SYT16: variants seen among roughly 807,000 people sequenced by gnomAD.
SYT16 encodes the protein synaptotagmin-16.
A neutral mutation model predicts 61.4 loss-of-function variants in SYT16; 42 were observed. That is an observed-to-expected ratio of 0.68 (90% CI 0.53 to 0.89). SYT16 has a LOEUF of 0.89. Among genes scored for constraint, SYT16 ranks in the 40% least tolerant of loss-of-function variants. The pLI, the probability that SYT16 is intolerant of heterozygous loss-of-function variation, is 0.00. For synonymous variants in SYT16, 314 were observed against 302.3 expected (o/e 1.04, Z -0.40); for missense variants, 804 against 807.3 (o/e 1.00, Z 0.05).
In SYT16 at chr14:61,960,106, T is replaced by C. The variant is rs145371082; in HGVS notation, c.-324-10026T>C. 2.4e-3 allele frequency among the ~76,000 whole-genome samples: 361 copies of C among 152,314 alleles called. 3 individuals are homozygous for C. Among genetic ancestry groups the C allele is most frequent in the African/African-American group, 8.4e-3 (348 of 41,570 alleles). ...TTCAGCTTCCTTAACTCAGTTTTTA[T>C]TTGGGAAAGTCTTTATATCTTTTTC... On this transcript the variant is annotated intron_variant, in intron 1 of 7. Transcript: ENST00000683842.
chr14:61,836,091 C>G (rs1371920912), intron 1 of SYT16, among the ~76,000 whole-genome samples: 2 of 152,164 alleles, frequency 1.3e-5, no homozygotes, highest in Non-Finnish European at 2.9e-5. Flanking sequence ...GATTAGCCCC[C>G]CAGGTGATTC....
chr14:62,062,997 C>G (rs977893928), intron 3 of SYT16, among the ~76,000 whole-genome samples: 1 of 152,188 alleles, frequency 6.6e-6, no homozygotes, highest in African/African-American at 2.4e-5. Flanking sequence ...GAAATCCTCT[C>G]TTTGCATCGC....
chr14:61,973,328 A>G (rs922745532), intron 2 of SYT16, among the ~76,000 whole-genome samples: 2 of 152,244 alleles, frequency 1.3e-5, no homozygotes, highest in Non-Finnish European at 2.9e-5. Flanking sequence ...CATAGGTAAT[A>G]GTAATAATAA....
chr14:61,971,153 C>A (rs1268335995), intron 2 of SYT16, among the ~76,000 whole-genome samples: 2 of 152,072 alleles, frequency 1.3e-5, no homozygotes, highest in South Asian at 4.2e-4. Context: ...CTTTTGTAGC[C>A]ATGGATAGTT....
chr14:61,917,797 G>A lies in SYT16; in HGVS notation c.-324-52335G>A, dbSNP rs112226659. ...CTTATCTGAAATGTTTGGGAGCAGA[G>A]TGTTTTGGCTTTTGGCTTCTGGAAT... is the stretch of plus-strand genomic sequence containing the variant. On this transcript the variant is annotated intron_variant, in intron 1 of 7. Transcript: ENST00000683842. Among the ~76,000 whole-genome samples, 458 of 152,252 alleles carry A rather than the reference G, an allele frequency of 3.0e-3. 3 individuals carry two copies. The highest frequency in any genetic ancestry group is 0.01 in the African/African-American group (435 of 41,554).
At chr14:61,941,762 G>A (rs2050219862) in intron 1 of SYT16, among the ~76,000 whole-genome samples, 1 of 152,176 alleles carries the variant, frequency 6.6e-6, no homozygotes, top group African/African-American at 2.4e-5. Context: ...GACCATAGGT[G>A]CAAAGGTGCC....
In SYT16 at chr14:62,069,765, G is replaced by T. The variant is rs190756776; in HGVS notation, c.686G>T (p.Arg229Leu). 1 of 1,614,020 alleles carries T rather than the reference G, an allele frequency of 6.2e-7. No individual in the cohort carries two copies. Among genetic ancestry groups the T allele is most frequent in the Non-Finnish European group, 8.5e-7 (1 of 1,179,886 alleles). Residue 229 changes from arginine (R) to leucine (L), a missense_variant, in exon 4 of 8, where the codon CGT (arginine) becomes CTT (leucine). Physicochemically the swap from Arg to Leu is moderately radical, Grantham distance 102. Coordinates refer to ENST00000683842, the MANE Select transcript of SYT16 (RefSeq NM_001367656.1). ...TGLEQKPKFS[R>L]SLLTHGEDGT... is the part of the protein sequence containing the mutation. ...TTGGAGCAGAAACCAAAATTCAGCC[G>T]TTCGTTGTTGACACACGGAGAAGAT...
intron 1 of SYT16, among the ~76,000 whole-genome samples, chr14:61,854,263 T>C (rs1231658125): frequency 6.6e-6 from 1 of 152,226 alleles, no homozygotes; most frequent in Non-Finnish European, 1.5e-5. Flanking sequence ...TATTTATATA[T>C]CTAGTGATTA....
intron 3 of SYT16, among the ~76,000 whole-genome samples, chr14:62,019,012 A>G (rs751087562): frequency 6.6e-5 from 10 of 152,254 alleles, no homozygotes; most frequent in African/African-American, 2.4e-4. Flanking sequence ...CTCTGTTTCC[A>G]AACAGTTCAT....
At chr14:61,966,371 C>T (rs1021296502) in intron 1 of SYT16, among the ~76,000 whole-genome samples, 7 of 151,928 alleles carry the variant, frequency 4.6e-5, no homozygotes, top group African/African-American at 1.7e-4. Flanking sequence ...AAAATATTAA[C>T]TGTGACAGGT....
intron 1 of SYT16, among the ~76,000 whole-genome samples, chr14:61,879,499 C>T (rs2047617664): frequency 6.6e-6 from 1 of 152,126 alleles, no homozygotes; most frequent in Non-Finnish European, 1.5e-5. Context: ...GATTTTAGGA[C>T]CCAGATAATA....
intron 1 of SYT16, among the ~76,000 whole-genome samples, chr14:61,909,461 G>T (rs904829147): frequency 6.6e-6 from 1 of 152,086 alleles, no homozygotes; most frequent in Non-Finnish European, 1.5e-5. Flanking sequence ...GGTGTTTCTT[G>T]GCTTGTGATT....
chr14:62,048,359 TTC>T (rs905890053), intron 3 of SYT16, among the ~76,000 whole-genome samples: 5 of 152,248 alleles, frequency 3.3e-5, no homozygotes, highest in African/African-American at 9.6e-5. Flanking sequence ...TATTTGATTC[TTC>T]TCTCTTTTTT....
At chr14:62,033,445 A>G (rs1215479759) in intron 3 of SYT16, among the ~76,000 whole-genome samples, 1 of 152,186 alleles carries the variant, frequency 6.6e-6, no homozygotes, top group Non-Finnish European at 1.5e-5. Context: ...GTTATAAAAA[A>G]GGATACCTCA....
At chr14:62,018,633 AGTT>A (rs1566769146) in intron 3 of SYT16, among the ~76,000 whole-genome samples, 23 of 152,134 alleles carry the variant, frequency 1.5e-4, no homozygotes, top group African/African-American at 5.5e-4. Flanking sequence ...CTAAAATGCT[AGTT>A]ATGCTTTTGC....
intron 5 of SYT16, among the ~76,000 whole-genome samples, chr14:62,076,537 A>G (rs2056503285): frequency 6.6e-6 from 1 of 152,126 alleles, no homozygotes; most frequent in Admixed American, 6.5e-5. Flanking sequence ...AGGGGTATGC[A>G]TACACATCTG....
intron 7 of SYT16, among the ~76,000 whole-genome samples, chr14:62,085,652 G>C (rs1004492160): frequency 3.3e-5 from 5 of 152,232 alleles, no homozygotes; most frequent in Non-Finnish European, 5.9e-5. Flanking sequence ...CTGTGGAATG[G>C]GGGTATCTTG....
Position 62,109,111 on chromosome 14 carries a change from A to G in SYT16, c.*8404A>G, listed in dbSNP as rs1243631725. ...TATGGGTTTTGACCAATGCACAATG[A>G]CGTGTGTCCACTATTGTAGTATCAT... On this transcript the variant is annotated 3_prime_UTR_variant, in exon 8 of 8. Transcript: ENST00000683842. 1 of 152,148 alleles carries G rather than the reference A, an allele frequency of 6.6e-6. No homozygotes were observed. The highest frequency in any genetic ancestry group is 1.5e-5 in the Non-Finnish European group (1 of 68,016). The allele number at this position is 152,148 out of a possible 1,614,324, so 9.4% of individuals were successfully genotyped here.
chr14:62,059,632 G>C (rs914674119), intron 3 of SYT16, among the ~76,000 whole-genome samples: 1 of 149,146 alleles, frequency 6.7e-6, no homozygotes, highest in Non-Finnish European at 1.5e-5. Flanking sequence ...AAGTTTTACA[G>C]TTAGATTTAG....
Sources: allele counts gnomAD v4.1 joint callset (sites outside exome capture counted in the v4.1 genomes callset), GRCh38; gene constraint gnomAD v4.1.1; transcripts MANE v1.5; gene names NCBI Gene and HGNC (gene_info 2026-07-23, HGNC 2026-07-21).